RHBDD1: variants seen among roughly 807,000 people sequenced by gnomAD.
RHBDD1 encodes the protein rhomboid-related protein 4.
A neutral mutation model predicts 36.3 loss-of-function variants in RHBDD1; 38 were observed. That is an observed-to-expected ratio of 1.05 (90% CI 0.81 to 1.37). RHBDD1 has a LOEUF of 1.37. RHBDD1 is among the 40% of genes most tolerant of loss of function. The pLI is 0.00. For missense variants in RHBDD1, 393 were observed against 377.6 expected, an observed-to-expected ratio of 1.04 and a Z score of -0.34; for synonymous variants, 151 against 136.5, an observed-to-expected ratio of 1.11 and a Z score of -0.74.
intron 5 of RHBDD1, 63 bp downstream of exon 5, chr2:226,867,381 C>T: frequency 1.3e-6 from 2 of 1,519,350 alleles, no homozygotes; most frequent in Non-Finnish European, 1.8e-6. Flanking sequence ...AAAAAAATTG[C>T]AATAATAATG....
chr2:226,879,877 T>C lies in RHBDD1; in HGVS notation c.566+12559T>C, dbSNP rs533244653. 2.6e-5 allele frequency among the ~76,000 whole-genome samples: 4 copies of C among 152,084 alleles called. No homozygotes were observed. The South Asian group carries it at 8.3e-4, about 32-fold the overall frequency. On this transcript the variant is annotated intron_variant, in intron 5 of 8. Coordinates refer to ENST00000392062, the MANE Select transcript of RHBDD1 (RefSeq NM_001167608.3). ...GAATTTTGGTCTTCTCAGAGTTGGG[T>C]TGGTGTCTGTGGCAGCTCTTTGAGA...
At position 226,987,221 on chromosome 2, in the gene RHBDD1, A is replaced by G. The variant is rs189149607; in HGVS notation, c.857-8210A>G. On this transcript the variant is annotated intron_variant, in intron 8 of 8. Transcript: ENST00000392062. Reference sequence around the variant, plus strand: ...GGCATAGCATTAGGACAAATACCCAATGCATCTGGGGCTTATAACGAGATG... The same window carrying G: ...GGCATAGCATTAGGACAAATACCCAGTGCATCTGGGGCTTATAACGAGATG... 2.4e-3 allele frequency among the ~76,000 whole-genome samples: 366 copies of G among 152,214 alleles called. 1 individual carries two copies. Among genetic ancestry groups the G allele is most frequent in the African/African-American group, 8.2e-3 (342 of 41,526 alleles).
upstream of RHBDD1, among the ~76,000 whole-genome samples, chr2:226,833,963 G>T (rs1284915916): frequency 6.6e-6 from 1 of 152,086 alleles, no homozygotes; most frequent in Non-Finnish European, 1.5e-5. Context: ...TTTTTAAAAG[G>T]TAGATATTTT....
the RHBDD1 span, among the ~76,000 whole-genome samples, chr2:226,822,935 C>T: frequency 6.6e-6 from 1 of 151,856 alleles, no homozygotes; most frequent in South Asian, 2.1e-4. Flanking sequence ...AGATCAGCCT[C>T]GTCAACATGG....
At chr2:226,806,554 A>G in the RHBDD1 span, among the ~76,000 whole-genome samples, 1 of 152,236 alleles carries the variant, frequency 6.6e-6, no homozygotes. Context: ...TTTCTGAAAT[A>G]TTTTACTGCA....
chr2:226,970,628 C>T (rs896562182), intron 8 of RHBDD1, among the ~76,000 whole-genome samples: 3 of 152,194 alleles, frequency 2.0e-5, no homozygotes, highest in African/African-American at 7.2e-5. Flanking sequence ...GAGGCACTCA[C>T]CACCTGGAGG....
intron 5 of RHBDD1, among the ~76,000 whole-genome samples, chr2:226,897,312 C>A (rs78791489): frequency 2.2e-5 from 1 of 44,904 alleles, no homozygotes; most frequent in Admixed American, 2.2e-4. Flanking sequence ...GTGTGTGTGT[C>A]TGTCTGTCTG....
intron 3 of RHBDD1, among the ~76,000 whole-genome samples, chr2:226,840,109 G>T (rs990950916): frequency 1.3e-5 from 2 of 152,138 alleles, no homozygotes; most frequent in Non-Finnish European, 2.9e-5. Flanking sequence ...ATATTACATT[G>T]TCTTTTTCAC....
intron 3 of RHBDD1, among the ~76,000 whole-genome samples, chr2:226,863,446 T>A (rs143609804): frequency 5.9e-4 from 90 of 152,348 alleles, no homozygotes; most frequent in African/African-American, 2.1e-3. Flanking sequence ...TAGTTAGTAG[T>A]TGTTGCATAA....
intron 3 of RHBDD1, among the ~76,000 whole-genome samples, chr2:226,856,349 C>T (rs1405895875): frequency 6.6e-6 from 1 of 152,004 alleles, no homozygotes; most frequent in Non-Finnish European, 1.5e-5. Flanking sequence ...ATATATTATA[C>T]CATTTTCTTA....
chr2:226,834,830 G>T (rs566432105), upstream of RHBDD1, among the ~76,000 whole-genome samples: 4 of 152,222 alleles, frequency 2.6e-5, no homozygotes, highest in South Asian at 6.2e-4. Flanking sequence ...CGCCCAGGCT[G>T]GAGTGCATGG....
intron 8 of RHBDD1, among the ~76,000 whole-genome samples, chr2:226,919,006 T>C (rs769496460): frequency 7.2e-5 from 11 of 152,104 alleles, no homozygotes; most frequent in Non-Finnish European, 1.6e-4. Flanking sequence ...TAAAAGCCAT[T>C]TTAACTGGAG....
intron 8 of RHBDD1, among the ~76,000 whole-genome samples, chr2:226,981,802 AC>A (rs1955827615): frequency 6.6e-6 from 1 of 152,168 alleles, no homozygotes; most frequent in South Asian, 2.1e-4. Flanking sequence ...GCTAACTCTG[AC>A]CCACATAAGA....
the RHBDD1 span, among the ~76,000 whole-genome samples, chr2:226,817,021 A>G: frequency 3.9e-5 from 6 of 152,260 alleles, no homozygotes; most frequent in Non-Finnish European, 8.8e-5. Context: ...AAGAAAATGT[A>G]TAGTTCTTGA....
At chr2:226,841,377 A>G (rs969099538) in intron 3 of RHBDD1, among the ~76,000 whole-genome samples, 1 of 152,112 alleles carries the variant, frequency 6.6e-6, no homozygotes, top group Non-Finnish European at 1.5e-5. Context: ...AACATGTGCC[A>G]TGGTGGTTTG....
chr2:226,966,698 A>T (rs998058823), intron 8 of RHBDD1, among the ~76,000 whole-genome samples: 4 of 152,166 alleles, frequency 2.6e-5, no homozygotes, highest in Admixed American at 2.6e-4. Flanking sequence ...CATTGGTTCT[A>T]AAAGTGTTGC....
intron 8 of RHBDD1, among the ~76,000 whole-genome samples, chr2:226,971,467 C>T (rs1953487411): frequency 6.6e-6 from 1 of 152,162 alleles, no homozygotes; most frequent in African/African-American, 2.4e-5. Flanking sequence ...TTGTTTTGTT[C>T]CAAGCCAGTT....
At chr2:226,869,465 G>C (rs973085001) in intron 5 of RHBDD1, among the ~76,000 whole-genome samples, 1 of 152,136 alleles carries the variant, frequency 6.6e-6, no homozygotes, top group African/African-American at 2.4e-5. Context: ...TTGCTTGATG[G>C]TTGTCAATTA....
intron 3 of RHBDD1, among the ~76,000 whole-genome samples, chr2:226,842,207 A>G (rs1328795118): frequency 2.0e-5 from 3 of 152,140 alleles, no homozygotes; most frequent in Non-Finnish European, 4.4e-5. Context: ...TCAGATGGAT[A>G]GACTGTAAAA....
Sources: gnomAD v4.1 joint callset for allele counts (sites outside exome capture counted in the v4.1 genomes callset) on GRCh38, gnomAD v4.1.1 for gene constraint, MANE v1.5 for transcripts, NCBI Gene and HGNC (gene_info 2026-07-23, HGNC 2026-07-21) for gene names.